SPAG11B: variants seen among roughly 807,000 people sequenced by gnomAD.
SPAG11B encodes sperm-associated antigen 11B.
SPAG11B carries 5 observed loss-of-function variants against 8.9 expected under a neutral mutation model. The observed-to-expected ratio is 0.56, with a 90% CI of 0.29 to 1.19. The LOEUF (loss-of-function observed/expected upper bound fraction) is 1.19. SPAG11B is among the 50% of genes most tolerant of loss of function. SPAG11B has a pLI of 0.08. For missense variants in SPAG11B, 38 were observed against 146.4 expected, an observed-to-expected ratio of 0.26 and a Z score of 3.82; for synonymous variants, 12 against 53.0, an observed-to-expected ratio of 0.23 and a Z score of 3.36.
downstream of SPAG11B, among the ~76,000 whole-genome samples, chr8:7,448,786 C>CCCATT (rs1809959711): frequency 8.7e-5 from 11 of 127,098 alleles, no homozygotes; most frequent in South Asian, 2.5e-3. Flanking sequence ...CCCCTCTCCT[C>CCCATT]CCCTTCCCTT....
At position 7,453,095 on chromosome 8, in the gene SPAG11B, G is replaced by C. The variant is rs868539304; in HGVS notation, c.215-2195C>G. 8.0e-4 allele frequency among the ~76,000 whole-genome samples: 115 copies of C among 143,108 alleles called. No individual in the cohort carries two copies. In the South Asian group the frequency reaches 0.026, roughly 33 times the overall value. The allele number at this position is 143,108 out of a possible 152,430, so 93.9% of individuals were successfully genotyped here. Reference sequence around the variant, plus strand: ...TCATTTGATGAAGTTATCCGCTGTCGGAGGTGACAGTCTAGTGAGGGATGC... The same window carrying C: ...TCATTTGATGAAGTTATCCGCTGTCCGAGGTGACAGTCTAGTGAGGGATGC... On this transcript the variant is annotated intron_variant, in intron 2 of 2. Transcript: ENST00000398462.
At chr8:7,451,158 T>A (rs779396247) in intron 2 of SPAG11B, 1 of 1,559,964 alleles carries the variant, frequency 6.4e-7, no homozygotes, top group Admixed American at 1.8e-5. Flanking sequence ...TCCACACAGA[T>A]CCTAAATGAG....
chr8:7,448,841 C>G (rs1809962959), downstream of SPAG11B, among the ~76,000 whole-genome samples: 1 of 141,036 alleles, frequency 7.1e-6, no homozygotes, highest in Non-Finnish European at 1.5e-5. Context: ...AGCAAACACT[C>G]CCAGACAGCC....
At chr8:7,452,755 C>T (rs1238607552) in intron 2 of SPAG11B, among the ~76,000 whole-genome samples, 1 of 87,174 alleles carries the variant, frequency 1.1e-5, no homozygotes, top group Middle Eastern at 5.9e-3. Flanking sequence ...CATCTACCAA[C>T]AGAAACATAG....
chr8:7,451,623 A>G (rs1453388755), intron 2 of SPAG11B, among the ~76,000 whole-genome samples: 96 of 129,928 alleles, frequency 7.4e-4, no homozygotes, highest in Admixed American at 9.9e-4. Flanking sequence ...CAGCCCTGTC[A>G]CAGCTTGGAG....
intron 2 of SPAG11B, among the ~76,000 whole-genome samples, chr8:7,459,548 C>T (rs1210749140): frequency 6.7e-6 from 1 of 149,006 alleles, no homozygotes; most frequent in African/African-American, 2.5e-5. Flanking sequence ...CCGCACAATC[C>T]CTATCCCAGA....
intron 2 of SPAG11B, among the ~76,000 whole-genome samples, chr8:7,458,562 T>G (rs868053829): frequency 3.7e-5 from 2 of 54,446 alleles, no homozygotes; most frequent in Admixed American, 2.7e-4. Flanking sequence ...AAAATGAGAA[T>G]TAGATCCCAT....
chr8:7,451,583 C>CG (rs1256198663), intron 2 of SPAG11B, among the ~76,000 whole-genome samples: 1 of 126,248 alleles, frequency 7.9e-6, no homozygotes, highest in Non-Finnish European at 1.7e-5. Flanking sequence ...AACCTCCAAA[C>CG]GGGGTCTAAT....
At chr8:7,459,488 C>A (rs1281283574) in intron 2 of SPAG11B, among the ~76,000 whole-genome samples, 1 of 148,054 alleles carries the variant, frequency 6.8e-6, no homozygotes, top group African/African-American at 2.5e-5. Flanking sequence ...CATCAAGCAA[C>A]TGAGAAAATA....
downstream of SPAG11B, chr8:7,450,456 A>G (rs533711996): frequency 4.9e-6 from 4 of 812,880 alleles, no homozygotes; most frequent in East Asian, 5.7e-5. Context: ...CTCGGTTTCT[A>G]GTCAGTTCCC....
At chr8:7,458,639 A>G (rs1810588213) in intron 2 of SPAG11B, among the ~76,000 whole-genome samples, 1 of 123,556 alleles carries the variant, frequency 8.1e-6, no homozygotes, top group Admixed American at 8.5e-5. Context: ...AAATAATTAA[A>G]AATCTAATAA....
intron 2 of SPAG11B, among the ~76,000 whole-genome samples, chr8:7,452,862 C>A (rs1810262248): frequency 8.1e-6 from 1 of 123,708 alleles, no homozygotes; most frequent in African/African-American, 3.3e-5. Context: ...ATGACAACAA[C>A]AAAACACAAT....
At chr8:7,453,688 A>T (rs1416095562) in intron 2 of SPAG11B, among the ~76,000 whole-genome samples, 1 of 149,720 alleles carries the variant, frequency 6.7e-6, no homozygotes, top group East Asian at 2.0e-4. Flanking sequence ...GACATCAAGC[A>T]GTGGTCTTGG....
At chr8:7,451,147 G>A (rs1258008095) in intron 2 of SPAG11B, 1 of 1,559,904 alleles carries the variant, frequency 6.4e-7, no homozygotes, top group East Asian at 2.2e-5. Flanking sequence ...GCCCTAAAAA[G>A]TCCACACAGA....
chr8:7,452,031 G>C (rs1324383989), intron 2 of SPAG11B, among the ~76,000 whole-genome samples: 1 of 129,158 alleles, frequency 7.7e-6, no homozygotes, highest in African/African-American at 3.2e-5. Flanking sequence ...CTTGCCACTT[G>C]TATCAGAGCA....
At chr8:7,449,650 G>A (rs1461191137), downstream of SPAG11B, among the ~76,000 whole-genome samples, 1 of 148,578 alleles carries the variant, frequency 6.7e-6, no homozygotes, top group African/African-American at 2.5e-5. Flanking sequence ...AAGAGGTTGC[G>A]AGAGGCCAAA....
At chr8:7,458,689 A>T (rs1374143038) in intron 2 of SPAG11B, among the ~76,000 whole-genome samples, 1 of 127,818 alleles carries the variant, frequency 7.8e-6, no homozygotes, top group Non-Finnish European at 1.6e-5. Context: ...AAAAAAAAAA[A>T]AAATAGAAGG....
At chr8:7,459,441 T>C (rs1238166518) in intron 2 of SPAG11B, among the ~76,000 whole-genome samples, 1 of 145,862 alleles carries the variant, frequency 6.9e-6, no homozygotes, top group Non-Finnish European at 1.5e-5. Context: ...CGGTTCTTTC[T>C]GAGAGAAAAC....
intron 2 of SPAG11B, among the ~76,000 whole-genome samples, chr8:7,453,435 T>C (rs1282296242): frequency 6.7e-6 from 1 of 148,746 alleles, no homozygotes; most frequent in Non-Finnish European, 1.5e-5. Flanking sequence ...TATTAATCCT[T>C]CCAGAGGTGT....
Sources: gnomAD v4.1 joint callset for allele counts (sites outside exome capture counted in the v4.1 genomes callset) on GRCh38, gnomAD v4.1.1 for gene constraint, MANE v1.5 for transcripts, NCBI Gene and HGNC (gene_info 2026-07-23, HGNC 2026-07-21) for gene names.